Variants in CFAP61 observed in about 807,000 individuals in gnomAD.
The protein encoded by CFAP61 is cilia and flagella associated protein 61, also known as cilia- and flagella-associated protein 61.
CFAP61 carries 107 observed loss-of-function variants against 135.6 expected under a neutral mutation model. That is an observed-to-expected ratio of 0.79 (90% CI 0.67 to 0.93). The LOEUF is 0.93. Among genes scored for constraint, CFAP61 ranks in the 40% least tolerant of loss-of-function variants. The probability of loss-of-function intolerance (pLI) is 0.00; values close to 1 mark genes in which losing one functional copy is unlikely to be tolerated. For synonymous variants in CFAP61, 575 were observed against 578.5 expected (o/e 0.99, Z 0.09); for missense variants, 1,507 against 1,556.2 (o/e 0.97, Z 0.53).
At chr20:20,256,036 T>C (rs2051528273) in intron 20 of CFAP61, among the ~76,000 whole-genome samples, 1 of 152,168 alleles carries the variant, frequency 6.6e-6, no homozygotes, top group Non-Finnish European at 1.5e-5. Context: ...AGGTGAGCTC[T>C]CTGCCTCCCA....
rs1260115348 is a variant in CFAP61 at position 20,164,146 on chromosome 20, G to A, written c.1123G>A (p.Val375Ile). 6.2e-6 allele frequency: 10 copies of A among 1,613,944 alleles called. No individual in the cohort carries two copies. The highest frequency in any genetic ancestry group is 1.6e-4 in the Middle Eastern group (1 of 6,084). The change falls in exon 11 of 27, where the codon GTC becomes ATC. Residue 375 changes from valine to isoleucine, a missense_variant. Val to Ile is a conservative substitution (Grantham distance 29). Transcript: ENST00000245957. ...LASLVLPEEP[V>I]HFRPIYRGAS... Reference sequence around the variant, plus strand: ...ATCGCTCGTACTGCCTGAAGAGCCCGTCCACTTCCGCCCCATCTACAGGGG... The same window carrying A: ...ATCGCTCGTACTGCCTGAAGAGCCCATCCACTTCCGCCCCATCTACAGGGG...
chr20:20,166,362 C>T, intron 11 of CFAP61, 35 bp from the exon 12 acceptor site: 1 of 1,597,502 alleles, frequency 6.3e-7, no homozygotes, highest in Non-Finnish European at 8.6e-7. Context: ...CATTTGCTTG[C>T]AGGGCACTGA....
At chr20:20,175,248 C>G (rs962891834) in intron 13 of CFAP61, among the ~76,000 whole-genome samples, 1 of 152,236 alleles carries the variant, frequency 6.6e-6, no homozygotes, top group Non-Finnish European at 1.5e-5. Flanking sequence ...CACCTGGCTT[C>G]CCTTCTCAAG....
rs542462074 is a variant in CFAP61, at chr20:20,137,392, G to A, written c.860-5465G>A. The stretch of plus-strand genomic sequence containing the variant: ...AGATGCTGTCTGGGAGCCAGAGCCA[G>A]GAGTAGGAAACCTTAGAAATCTATC... On this transcript the variant is annotated intron_variant, in intron 8 of 26. Transcript: ENST00000245957. Among the ~76,000 whole-genome samples, 9 of 152,322 alleles carry A rather than the reference G, an allele frequency of 5.9e-5. No homozygotes were observed. In the South Asian group the frequency reaches 1.9e-3, roughly 32 times the overall value.
rs1417225923 is a variant in CFAP61, at chr20:20,290,338, G to T, written c.3163G>T (p.Ala1055Ser). The change falls in exon 24 of 27, where the codon GCC becomes TCC. Residue 1055 changes from alanine (A) to serine (S), a missense_variant. Ala to Ser is a moderately conservative substitution (Grantham distance 99). Coordinates refer to ENST00000245957, the MANE Select transcript of CFAP61 (RefSeq NM_015585.4). ...LPGSYHYLHI[A>S]KPAIPTPLEV... ...TGGGTCTTACCATTATCTGCATATT[G>T]CCAAGCCTGCCATTCCAACTCCCTT... The T allele has an allele frequency of 6.2e-7, 1 of 1,613,436 alleles. No homozygotes were observed. Among genetic ancestry groups the T allele is most frequent in the African/African-American group, 1.3e-5 (1 of 74,920 alleles).
At chr20:20,064,313 T>C (rs545430526) in intron 2 of CFAP61, among the ~76,000 whole-genome samples, 16 of 152,346 alleles carry the variant, frequency 1.1e-4, no homozygotes, top group Admixed American at 1.0e-3. Flanking sequence ...CCCTAGATCT[T>C]AGCAAGCTCA....
intron 17 of CFAP61, among the ~76,000 whole-genome samples, chr20:20,219,721 A>G (rs1369208600): frequency 6.6e-6 from 1 of 152,226 alleles, no homozygotes; most frequent in Non-Finnish European, 1.5e-5. Flanking sequence ...AGATTAGTTC[A>G]TATATTTCTT....
intron 8 of CFAP61, among the ~76,000 whole-genome samples, chr20:20,131,236 T>TG (rs2050503898): frequency 1.3e-5 from 2 of 151,798 alleles, no homozygotes; most frequent in Admixed American, 1.3e-4. Flanking sequence ...TTTTTGTGGA[T>TG]GGGGAGGGGG....
At chr20:20,071,112 A>C in intron 3 of CFAP61, 108 bp downstream of exon 3, 1 of 1,118,904 alleles carries the variant, frequency 8.9e-7, no homozygotes, top group Non-Finnish European at 1.3e-6. Flanking sequence ...ATATGACATC[A>C]TGACAGTTAA....
chr20:20,285,288 TG>T (rs74271738), intron 22 of CFAP61, among the ~76,000 whole-genome samples: 216 of 150,666 alleles, frequency 1.4e-3, no homozygotes, highest in African/African-American at 3.4e-3. Context: ...TTGTTTTTTT[TG>T]TTTTTAATTT....
At chr20:20,198,851 A>G (rs1329486167) in intron 16 of CFAP61, among the ~76,000 whole-genome samples, 4 of 152,208 alleles carry the variant, frequency 2.6e-5, no homozygotes, top group African/African-American at 9.7e-5. Context: ...TAAACCATCT[A>G]TTTATTAAAA....
intron 20 of CFAP61, among the ~76,000 whole-genome samples, chr20:20,256,770 T>C (rs1192010629): frequency 6.6e-6 from 1 of 152,234 alleles, no homozygotes. Flanking sequence ...ATTGAAGATA[T>C]TCTAGAAGAA....
intron 7 of CFAP61, among the ~76,000 whole-genome samples, chr20:20,093,356 G>A (rs2047338518): frequency 1.3e-5 from 2 of 151,926 alleles, no homozygotes; most frequent in African/African-American, 4.8e-5. Flanking sequence ...GTGGGGGGAT[G>A]AAAATGTTCT....
intron 20 of CFAP61, among the ~76,000 whole-genome samples, chr20:20,260,582 A>T (rs2052084107): frequency 6.6e-6 from 1 of 152,226 alleles, no homozygotes; most frequent in Non-Finnish European, 1.5e-5. Context: ...CTACACATTT[A>T]AGTGCACACA....
intron 22 of CFAP61, among the ~76,000 whole-genome samples, chr20:20,281,022 A>T (rs1353428813): frequency 6.6e-6 from 1 of 152,052 alleles, no homozygotes; most frequent in African/African-American, 2.4e-5. Flanking sequence ...CCTTTTTGTG[A>T]AATGTTCAAG....
rs144776526 is a variant in CFAP61 at position 20,105,792 on chromosome 20, C to T, written c.859+6978C>T. 2.1e-3 allele frequency among the ~76,000 whole-genome samples: 233 copies of T among 113,422 alleles called. 2 individuals are homozygous for T. The highest frequency in any genetic ancestry group is 7.9e-3 in the African/African-American group (222 of 28,176). 74.4% of individuals were successfully genotyped at this position (113,422 alleles called of 152,430 possible). On this transcript the variant is annotated intron_variant, in intron 8 of 26. Transcript: ENST00000245957. ...GACTACAGGCGCCTGCCACCATGCCCGGCTAATTTTTTTGAGTTTTTTTTT... is the reference window on the plus strand; with the variant it reads ...GACTACAGGCGCCTGCCACCATGCCTGGCTAATTTTTTTGAGTTTTTTTTT...
chr20:20,207,029 A>C (rs1024184215), intron 17 of CFAP61, among the ~76,000 whole-genome samples: 1 of 152,146 alleles, frequency 6.6e-6, no homozygotes, highest in African/African-American at 2.4e-5. Context: ...AGAGAGCTTC[A>C]TACACACATT....
intron 17 of CFAP61, among the ~76,000 whole-genome samples, chr20:20,223,492 G>A (rs2048533028): frequency 6.6e-6 from 1 of 152,134 alleles, no homozygotes; most frequent in Non-Finnish European, 1.5e-5. Flanking sequence ...ATTTTAGTAT[G>A]AACCTTGTAT....
At chr20:20,127,579 G>A in intron 8 of CFAP61, among the ~76,000 whole-genome samples, 1 of 151,344 alleles carries the variant, frequency 6.6e-6, no homozygotes, top group Non-Finnish European at 1.5e-5. Context: ...AACCATCTGT[G>A]GGTCTCTCAG....
Sources: allele counts gnomAD v4.1 joint callset (sites outside exome capture counted in the v4.1 genomes callset), GRCh38; gene constraint gnomAD v4.1.1; transcripts MANE v1.5; gene names NCBI Gene and HGNC (gene_info 2026-07-23, HGNC 2026-07-21).